The following LRP1B variants were observed in gnomAD, a reference collection of about 807,000 sequenced individuals.
The protein encoded by LRP1B is low-density lipoprotein receptor-related protein 1B.
A neutral mutation model predicts 556.6 loss-of-function variants in LRP1B; 217 were observed. The observed-to-expected ratio is 0.39, with a 90% CI of 0.35 to 0.44. LRP1B has a LOEUF of 0.44. LRP1B is among the 20% of genes least tolerant of loss of function. The pLI is 1.00. For missense variants in LRP1B, 5,053 were observed against 5,620.8 expected (o/e 0.90, Z 3.23); for synonymous variants, 2,047 against 1,865.8 (o/e 1.10, Z -2.50).
chr2:141,368,774 T>G (rs1378669408), intron 3 of LRP1B, among the ~76,000 whole-genome samples: 6 of 152,208 alleles, frequency 3.9e-5, no homozygotes, highest in Admixed American at 3.9e-4. Flanking sequence ...TAGAAAGCTA[T>G]TATGTAAGAA....
At chr2:141,278,185 G>A (rs1208413803) in intron 3 of LRP1B, among the ~76,000 whole-genome samples, 1 of 152,098 alleles carries the variant, frequency 6.6e-6, no homozygotes, top group Admixed American at 6.5e-5. Flanking sequence ...GTTTCTGAAG[G>A]AGAGGTATTA....
At chr2:140,719,783 A>T (rs1388745920) in intron 35 of LRP1B, among the ~76,000 whole-genome samples, 1 of 152,066 alleles carries the variant, frequency 6.6e-6, no homozygotes, top group Non-Finnish European at 1.5e-5. Context: ...TGAGTAAATT[A>T]ATCATGTGAT....
At chr2:141,624,814 T>C (rs1688643925) in intron 2 of LRP1B, among the ~76,000 whole-genome samples, 1 of 152,162 alleles carries the variant, frequency 6.6e-6, no homozygotes, top group Admixed American at 6.5e-5. Flanking sequence ...CTGTCACCCA[T>C]GCTGGAGTGC....
intron 1 of LRP1B, among the ~76,000 whole-genome samples, chr2:142,046,433 C>A (rs1441372048): frequency 6.6e-6 from 1 of 151,940 alleles, no homozygotes; most frequent in East Asian, 1.9e-4. Flanking sequence ...CTAACAGAAT[C>A]CACTGAGCTT....
chr2:141,525,665 A>G (rs2105182027), intron 2 of LRP1B, among the ~76,000 whole-genome samples: 1 of 152,180 alleles, frequency 6.6e-6, no homozygotes, highest in African/African-American at 2.4e-5. Flanking sequence ...AAGCAATTAA[A>G]AGAAAAGGAA....
At chr2:140,885,645 C>T (rs757567670) in intron 24 of LRP1B, among the ~76,000 whole-genome samples, 1 of 151,944 alleles carries the variant, frequency 6.6e-6, no homozygotes, top group African/African-American at 2.4e-5. Context: ...GCCACCACAC[C>T]CGGCTATTTA....
At chr2:141,058,512 CA>C (rs1574030552) in intron 9 of LRP1B, among the ~76,000 whole-genome samples, 1 of 151,918 alleles carries the variant, frequency 6.6e-6, no homozygotes, top group East Asian at 2.0e-4. Flanking sequence ...CTATAATAAA[CA>C]CTGGACAGAT....
intron 1 of LRP1B, among the ~76,000 whole-genome samples, chr2:141,915,360 A>T (rs1168669353): frequency 6.6e-6 from 1 of 152,148 alleles, no homozygotes; most frequent in Non-Finnish European, 1.5e-5. Flanking sequence ...ACACCATACA[A>T]ATACACCATA....
intron 2 of LRP1B, among the ~76,000 whole-genome samples, chr2:141,496,821 T>C (rs997412359): frequency 3.3e-5 from 5 of 151,888 alleles, no homozygotes; most frequent in Admixed American, 2.0e-4. Context: ...ATATAAAATG[T>C]GAGAAATTAT....
intron 3 of LRP1B, among the ~76,000 whole-genome samples, chr2:141,377,209 G>A (rs966322354): frequency 5.9e-5 from 9 of 151,786 alleles, no homozygotes; most frequent in Non-Finnish European, 8.8e-5. Flanking sequence ...TTTGTTTCCC[G>A]ATCAAATATA....
intron 41 of LRP1B, among the ~76,000 whole-genome samples, chr2:140,695,436 C>T (rs1256108716): frequency 2.0e-5 from 3 of 152,020 alleles, no homozygotes; most frequent in Non-Finnish European, 4.4e-5. Flanking sequence ...AGGCTTGCTT[C>T]CCTGTGGGGC....
chr2:140,407,720 A>G (rs1684802868), intron 66 of LRP1B, among the ~76,000 whole-genome samples: 1 of 152,070 alleles, frequency 6.6e-6, no homozygotes, highest in African/African-American at 2.4e-5. Flanking sequence ...ACACTTTTGT[A>G]CTGCTGGTGG....
chr2:140,592,806 G>T (rs985766959), intron 43 of LRP1B, among the ~76,000 whole-genome samples: 1 of 152,050 alleles, frequency 6.6e-6, no homozygotes, highest in Non-Finnish European at 1.5e-5. Context: ...CAAGTATGGT[G>T]GTTCAGGCTT....
intron 2 of LRP1B, among the ~76,000 whole-genome samples, chr2:141,490,749 A>G (rs1434184552): frequency 6.6e-6 from 1 of 151,968 alleles, no homozygotes; most frequent in Admixed American, 6.6e-5. Context: ...AATAGAAGGA[A>G]CTCAGCCTGG....
intron 77 of LRP1B, among the ~76,000 whole-genome samples, chr2:140,339,833 G>T (rs1285600575): frequency 6.8e-6 from 1 of 147,634 alleles, no homozygotes; most frequent in Non-Finnish European, 1.5e-5. Flanking sequence ...GCTAGAATGT[G>T]TACGCGATTA....
chr2:141,543,135 G>C, intron 2 of LRP1B, among the ~76,000 whole-genome samples: 1 of 152,108 alleles, frequency 6.6e-6, no homozygotes, highest in Non-Finnish European at 1.5e-5. Flanking sequence ...AAAATTGGTT[G>C]TCTCTTGGAG....
intron 41 of LRP1B, among the ~76,000 whole-genome samples, chr2:140,636,457 T>A (rs867919558): frequency 8.5e-5 from 13 of 152,308 alleles, no homozygotes; most frequent in African/African-American, 2.4e-4. Context: ...TGTTCCTTTT[T>A]AGATAGAAAA....
At chr2:141,134,027 T>A (rs553342876) in intron 7 of LRP1B, among the ~76,000 whole-genome samples, 1 of 151,900 alleles carries the variant, frequency 6.6e-6, no homozygotes, top group Non-Finnish European at 1.5e-5. Flanking sequence ...TCTCTTACTC[T>A]TTTATTTCCT....
At chr2:140,582,502 G>T (rs770027310) in intron 43 of LRP1B, among the ~76,000 whole-genome samples, 1 of 152,188 alleles carries the variant, frequency 6.6e-6, no homozygotes, top group Non-Finnish European at 1.5e-5. Flanking sequence ...GTATTAAGAG[G>T]TGGGACTTTT....
Sources: gnomAD v4.1 joint callset for allele counts (sites outside exome capture counted in the v4.1 genomes callset) on GRCh38, gnomAD v4.1.1 for gene constraint, MANE v1.5 for transcripts, NCBI Gene and HGNC (gene_info 2026-07-23, HGNC 2026-07-21) for gene names.